The following SMOC2 variants were observed in gnomAD, a reference collection of about 807,000 sequenced individuals.
SMOC2 encodes SPARC-related modular calcium-binding protein 2.
Under a neutral mutation model 61.4 loss-of-function variants are expected in SMOC2, and 39 were observed. The observed-to-expected ratio is 0.64, with a 90% CI of 0.49 to 0.83. The LOEUF is 0.83. Ranked by LOEUF, SMOC2 falls within the 40% of genes least tolerant of loss-of-function variation. SMOC2 has a pLI of 0.00. For synonymous variants in SMOC2, 247 were observed against 239.9 expected, an observed-to-expected ratio of 1.03 and a Z score of -0.27; for missense variants, 556 against 592.9, an observed-to-expected ratio of 0.94 and a Z score of 0.65.
chr6:168,584,545 A>G (rs1344405819), intron 7 of SMOC2, among the ~76,000 whole-genome samples: 1 of 152,204 alleles, frequency 6.6e-6, no homozygotes, highest in Non-Finnish European at 1.5e-5. Context: ...CTCTTAAAAA[A>G]AAAAAGCATT....
At chr6:168,450,498 C>T (rs889123974) in intron 1 of SMOC2, among the ~76,000 whole-genome samples, 1 of 152,198 alleles carries the variant, frequency 6.6e-6, no homozygotes, top group African/African-American at 2.4e-5. Context: ...GTCCCCTTCC[C>T]AGCCAGTCCT....
At chr6:168,591,469 ACT>A (rs1377189112) in intron 7 of SMOC2, among the ~76,000 whole-genome samples, 1 of 152,182 alleles carries the variant, frequency 6.6e-6, no homozygotes, top group Admixed American at 6.6e-5. Context: ...GGTGTCACTG[ACT>A]CTGGCAAGAG....
chr6:168,566,563 A>G (rs1301845271), intron 7 of SMOC2, among the ~76,000 whole-genome samples: 3 of 148,030 alleles, frequency 2.0e-5, no homozygotes, highest in African/African-American at 7.5e-5. Flanking sequence ...GCTCACTGCA[A>G]CCGCCACCTC....
intron 9 of SMOC2, among the ~76,000 whole-genome samples, chr6:168,649,178 T>A (rs1450963847): frequency 6.6e-6 from 1 of 152,204 alleles, no homozygotes; most frequent in Non-Finnish European, 1.5e-5. Context: ...CTGCCTGGGC[T>A]CTGCAGCTCT....
intron 11 of SMOC2, among the ~76,000 whole-genome samples, chr6:168,656,507 T>TAAAAAAAAAA (rs5881805): frequency 5.8e-5 from 5 of 86,794 alleles, no homozygotes; most frequent in South Asian, 6.8e-4. Context: ...GACTTTGTGT[T>TAAAAAAAAAA]AAAAAAAAAA....
Position 168,575,637 on chromosome 6 carries a change from G to T in SMOC2, c.638-23181G>T, listed in dbSNP as rs145185352. Among the ~76,000 whole-genome samples, 37 of 152,334 alleles carry T rather than the reference G, an allele frequency of 2.4e-4. No homozygotes were observed. The East Asian group carries it at 7.1e-3, about 29-fold the overall frequency. On this transcript the variant is annotated intron_variant, in intron 7 of 12. Coordinates refer to ENST00000356284, the MANE Select transcript of SMOC2 (RefSeq NM_001166412.2). Reference sequence around the variant, plus strand: ...CTGTGGGATGCAGAACACAGGCAGAGCCATTTGAACCAGCCAAAAACATCC... The same window carrying T: ...CTGTGGGATGCAGAACACAGGCAGATCCATTTGAACCAGCCAAAAACATCC...
chr6:168,479,437 C>T (rs1219559026), intron 1 of SMOC2, among the ~76,000 whole-genome samples: 2 of 152,182 alleles, frequency 1.3e-5, no homozygotes, highest in Non-Finnish European at 2.9e-5. Context: ...GAGAAGGAAA[C>T]ATCAGAAATC....
intron 1 of SMOC2, among the ~76,000 whole-genome samples, chr6:168,472,427 T>C (rs1319904707): frequency 6.6e-6 from 1 of 152,180 alleles, no homozygotes; most frequent in Non-Finnish European, 1.5e-5. Context: ...TTATGCCCTC[T>C]TCCACTATCA....
At chr6:168,520,757 T>C (rs2115066814) in intron 2 of SMOC2, among the ~76,000 whole-genome samples, 1 of 152,216 alleles carries the variant, frequency 6.6e-6, no homozygotes, top group East Asian at 1.9e-4. Context: ...ACAGGAAGAG[T>C]TACTTTGATT....
At chr6:168,559,577 T>C (rs1234357936) in intron 7 of SMOC2, among the ~76,000 whole-genome samples, 1 of 151,096 alleles carries the variant, frequency 6.6e-6, no homozygotes, top group Non-Finnish European at 1.5e-5. Flanking sequence ...GACCCACAGA[T>C]AATTAATATG....
chr6:168,520,926 T>C (rs1198579774), intron 2 of SMOC2, among the ~76,000 whole-genome samples: 1 of 152,206 alleles, frequency 6.6e-6, no homozygotes, highest in Non-Finnish European at 1.5e-5. Context: ...CAAAGATCCC[T>C]TTTAACTGTT....
At chr6:168,623,980 C>T (rs547329144) in intron 9 of SMOC2, among the ~76,000 whole-genome samples, 3 of 152,290 alleles carry the variant, frequency 2.0e-5, no homozygotes, top group East Asian at 1.9e-4. Flanking sequence ...GGTGGGGCAT[C>T]GCCGCAGAGG....
rs1783941768 is a variant in SMOC2 at position 168,544,234 on chromosome 6, T to C, written c.511+562T>C. 6.6e-6 allele frequency among the ~76,000 whole-genome samples: 1 copy of C among 152,202 alleles called. No individual in the cohort carries two copies. The highest frequency in any genetic ancestry group is 1.5e-5 in the Non-Finnish European group (1 of 68,032). ...CCCCCCTGGGAAAGTCTCCATCCTC[T>C]TCTCTGCCCTTGCCTCGGCCAACAC... On this transcript the variant is annotated intron_variant, in intron 5 of 12. Coordinates refer to ENST00000356284, the MANE Select transcript of SMOC2 (RefSeq NM_001166412.2). The surrounding 1 kb of genome is among the most constrained non-coding windows in gnomAD (Gnocchi z 4.1).
At chr6:168,523,325 A>T (rs1366134025) in intron 2 of SMOC2, among the ~76,000 whole-genome samples, 17 of 144,798 alleles carry the variant, frequency 1.2e-4, no homozygotes, top group African/African-American at 3.5e-4. Flanking sequence ...CCTGACCTCA[A>T]GATCCACCCG....
chr6:168,625,092 C>T (rs949192099), intron 9 of SMOC2, among the ~76,000 whole-genome samples: 5 of 152,332 alleles, frequency 3.3e-5, no homozygotes, highest in South Asian at 4.1e-4. Flanking sequence ...GCGCCGCCCC[C>T]GCCCTTCCTC....
chr6:168,665,962 GTTGT>G (rs995143863), intron 12 of SMOC2, among the ~76,000 whole-genome samples: 1 of 151,390 alleles, frequency 6.6e-6, no homozygotes, highest in South Asian at 2.1e-4. Context: ...CTGAGTTACA[GTTGT>G]TTATCATTAT....
At chr6:168,519,314 C>T (rs554769733) in intron 2 of SMOC2, among the ~76,000 whole-genome samples, 1 of 152,278 alleles carries the variant, frequency 6.6e-6, no homozygotes, top group African/African-American at 2.4e-5. Context: ...CCCTGGGCTC[C>T]TGGGCCAGGT....
chr6:168,666,362 A>G (rs1787660983), intron 12 of SMOC2, 59 bp from the exon 13 acceptor site: 1 of 1,608,596 alleles, frequency 6.2e-7, no homozygotes. Flanking sequence ...CTTAGTCTTC[A>G]CAGATGAGCG....
chr6:168,487,030 C>CA (rs1287179494), intron 1 of SMOC2, among the ~76,000 whole-genome samples: 1 of 152,206 alleles, frequency 6.6e-6, no homozygotes, highest in Non-Finnish European at 1.5e-5. Flanking sequence ...CTGCAGATAA[C>CA]ATGAGAATTA....
Sources: allele counts gnomAD v4.1 joint callset (sites outside exome capture counted in the v4.1 genomes callset), GRCh38; gene constraint gnomAD v4.1.1; non-coding constraint Gnocchi (gnomAD v3.1); transcripts MANE v1.5; gene names NCBI Gene and HGNC (gene_info 2026-07-23, HGNC 2026-07-21).